The following CLSTN2 variants were observed in gnomAD, a reference collection of about 807,000 sequenced individuals.
The protein encoded by CLSTN2 is calsyntenin 2.
In CLSTN2, 48 loss-of-function variants were observed where a neutral mutation model predicts 101.2. The observed-to-expected ratio is 0.47, with a 90% CI of 0.38 to 0.60. CLSTN2 has a LOEUF of 0.60. Ranked by LOEUF, CLSTN2 falls within the 20% of genes least tolerant of loss-of-function variation. The pLI is 0.00. For missense variants in CLSTN2, 1,160 were observed against 1,238.2 expected (o/e 0.94, Z 0.95); for synonymous variants, 481 against 463.6 (o/e 1.04, Z -0.48).
intron 4 of CLSTN2, among the ~76,000 whole-genome samples, chr3:140,415,545 G>A (rs1050680863): frequency 6.9e-6 from 1 of 144,668 alleles, no homozygotes; most frequent in Admixed American, 6.9e-5. Context: ...GGACCTGAAC[G>A]GACATTTTTC....
chr3:140,424,599 T>C (rs1181015645), intron 5 of CLSTN2, among the ~76,000 whole-genome samples: 1 of 152,216 alleles, frequency 6.6e-6, no homozygotes, highest in African/African-American at 2.4e-5. Flanking sequence ...CCCAGCTGTG[T>C]AGAGCAAACT....
chr3:140,129,050 C>T (rs923992138), intron 1 of CLSTN2, among the ~76,000 whole-genome samples: 3 of 152,076 alleles, frequency 2.0e-5, no homozygotes, highest in Non-Finnish European at 2.9e-5. Context: ...TTAGTAAATA[C>T]AAAAACTTGT....
At chr3:140,549,708 C>T (rs1428412815) in intron 10 of CLSTN2, among the ~76,000 whole-genome samples, 2 of 148,102 alleles carry the variant, frequency 1.4e-5, no homozygotes, top group Non-Finnish European at 3.0e-5. Context: ...AATTTCTTTC[C>T]TTTCCTCCCT....
At chr3:140,009,839 G>A (rs1414647548) in intron 1 of CLSTN2, among the ~76,000 whole-genome samples, 3 of 152,184 alleles carry the variant, frequency 2.0e-5, no homozygotes, top group Admixed American at 1.3e-4. Context: ...TCCCACAAAA[G>A]TGCATCAGCA....
At chr3:140,199,704 C>T (rs577107468) in intron 2 of CLSTN2, among the ~76,000 whole-genome samples, 2 of 152,192 alleles carry the variant, frequency 1.3e-5, no homozygotes, top group South Asian at 4.1e-4. Context: ...AGAAATGAGG[C>T]CAGTGGGCCT....
chr3:140,360,285 G>C lies in CLSTN2; in HGVS notation c.233-43344G>C, dbSNP rs552701625. 1.8e-4 allele frequency among the ~76,000 whole-genome samples: 28 copies of C among 152,230 alleles called. No individual in the cohort carries two copies. In the South Asian group the frequency reaches 5.6e-3, roughly 30 times the overall value. ...ATTGAGGGTGGCCTCTGTTTTCATG[G>C]TGCTGACACCCTGGCAGGCAGGCTT... On this transcript the variant is annotated intron_variant, in intron 2 of 16. Transcript: ENST00000458420.
In CLSTN2 at chr3:140,248,080, C is replaced by A. The variant is rs1161255545; in HGVS notation, c.232+72007C>A. 2.0e-5 allele frequency among the ~76,000 whole-genome samples: 3 copies of A among 152,294 alleles called. No individual in the cohort carries two copies. In the South Asian group the frequency reaches 6.2e-4, roughly 32 times the overall value. On this transcript the variant is annotated intron_variant, in intron 2 of 16. Coordinates refer to ENST00000458420, the MANE Select transcript of CLSTN2 (RefSeq NM_022131.3). The stretch of plus-strand genomic sequence containing the variant: ...CTGCTGCCTCCCAGGCATCCAAGGG[C>A]AGGAATTAATGGGTATGTGTGATGG...
At chr3:140,138,781 T>C (rs1244579667) in intron 1 of CLSTN2, among the ~76,000 whole-genome samples, 9 of 152,324 alleles carry the variant, frequency 5.9e-5, no homozygotes, top group Non-Finnish European at 1.3e-4. Flanking sequence ...GGGAGAAATG[T>C]ACAAAGTGAG....
chr3:140,561,915 T>C (rs1477509135), intron 12 of CLSTN2, among the ~76,000 whole-genome samples: 1 of 152,228 alleles, frequency 6.6e-6, no homozygotes, highest in African/African-American at 2.4e-5. Context: ...GGCTACAGTA[T>C]TCCTGCTGTT....
At chr3:140,125,197 G>A (rs138063035) in intron 1 of CLSTN2, among the ~76,000 whole-genome samples, 1 of 152,274 alleles carries the variant, frequency 6.6e-6, no homozygotes, top group Non-Finnish European at 1.5e-5. Flanking sequence ...TTTTGAGAAA[G>A]GTTGCAGTGA....
rs570060023 is a variant in CLSTN2, at chr3:140,403,729, C to T, written c.333C>T (p.Pro111=). ...AGGGCCGGCTCCGTGCCAAGAGCCC[C>T]ATTGACTGTGAGTTGCAGAAGGAGT... is the stretch of plus-strand genomic sequence containing the variant. ...SGEGRLRAKS[P]IDCELQKEYT... The change falls in exon 3 of 17, where the codon CCC becomes CCT. Residue 111 remains proline, a synonymous_variant. Transcript: ENST00000458420. The T allele has an allele frequency of 6.2e-7, 1 of 1,614,192 alleles. No homozygotes were observed. The highest frequency in any genetic ancestry group is 1.7e-5 in the Admixed American group (1 of 60,026).
chr3:140,320,114 G>T (rs2087267480), intron 2 of CLSTN2, among the ~76,000 whole-genome samples: 1 of 152,182 alleles, frequency 6.6e-6, no homozygotes, highest in Non-Finnish European at 1.5e-5. Context: ...TGGAAGCTCA[G>T]CTTCTCTGAC....
intron 2 of CLSTN2, among the ~76,000 whole-genome samples, chr3:140,237,206 CA>C (rs1416666028): frequency 6.6e-6 from 1 of 152,088 alleles, no homozygotes; most frequent in Non-Finnish European, 1.5e-5. Flanking sequence ...TGTTTTTAAG[CA>C]TTTTTAAGTG....
intron 2 of CLSTN2, among the ~76,000 whole-genome samples, chr3:140,355,481 C>T (rs1055550159): frequency 4.6e-5 from 7 of 152,142 alleles, no homozygotes; most frequent in Non-Finnish European, 7.3e-5. Context: ...TCAGTAAATA[C>T]GTCAGTAGGT....
chr3:140,560,585 AG>A (rs10714105), intron 12 of CLSTN2, among the ~76,000 whole-genome samples: 152,301 of 152,302 alleles, frequency 1, 76,150 homozygotes, highest in Non-Finnish European at 1. Context: ...CCAGACCAGG[AG>A]GACCCCGAGG....
rs192364847 is a variant in CLSTN2 at position 140,403,538 on chromosome 3, C to T, written c.233-91C>T. ...GTGCGTGGAAGAAATTGCATGGAGGCTTTGAGTTTGTGAATCTGGTCCAAT... is the reference window on the plus strand; with the variant it reads ...GTGCGTGGAAGAAATTGCATGGAGGTTTTGAGTTTGTGAATCTGGTCCAAT... On this transcript the variant is annotated intron_variant, in intron 2 of 16. Coordinates refer to ENST00000458420, the MANE Select transcript of CLSTN2 (RefSeq NM_022131.3). The T allele has an allele frequency of 9.0e-4, 975 of 1,083,324 alleles. 2 individuals are homozygous for T. The highest frequency in any genetic ancestry group is 1.2e-3 in the Non-Finnish European group (902 of 733,656). The allele number at this position is 1,083,324 out of a possible 1,614,324, so 67.1% of individuals were successfully genotyped here.
At chr3:140,019,386 C>T (rs537548812) in intron 1 of CLSTN2, among the ~76,000 whole-genome samples, 55 of 152,278 alleles carry the variant, frequency 3.6e-4, no homozygotes, top group Non-Finnish European at 6.9e-4. Context: ...AAGAAGGACT[C>T]CTGCCAGCCA....
At chr3:140,562,047 G>C (rs1935925750) in intron 12 of CLSTN2, 91 bp from the exon 13 acceptor site, 1 of 1,158,400 alleles carries the variant, frequency 8.6e-7, no homozygotes. Flanking sequence ...CCTTAACCTG[G>C]GGTGCAATAA....
At chr3:140,006,789 T>G (rs554684911) in intron 1 of CLSTN2, among the ~76,000 whole-genome samples, 21 of 152,290 alleles carry the variant, frequency 1.4e-4, no homozygotes, top group African/African-American at 5.1e-4. Context: ...ATAAGTGCAG[T>G]GTCTGGTTTA....
Sources: allele counts gnomAD v4.1 joint callset (sites outside exome capture counted in the v4.1 genomes callset), GRCh38; gene constraint gnomAD v4.1.1; transcripts MANE v1.5; gene names NCBI Gene and HGNC (gene_info 2026-07-23, HGNC 2026-07-21).